ST6GAL2: variants seen among roughly 807,000 people sequenced by gnomAD.
ST6GAL2 encodes beta-galactoside alpha-2,6-sialyltransferase 2.
In ST6GAL2, 24 loss-of-function variants were observed where a neutral mutation model predicts 37.5. The observed-to-expected ratio is 0.64, with a 90% CI of 0.46 to 0.90. The LOEUF is 0.90. Ranked by LOEUF, ST6GAL2 falls within the 40% of genes least tolerant of loss-of-function variation. The pLI, the probability that ST6GAL2 is intolerant of heterozygous loss-of-function variation, is 0.00. For missense variants in ST6GAL2, 715 were observed against 712.7 expected, an observed-to-expected ratio of 1.00 and a Z score of -0.04; for synonymous variants, 306 against 295.1, an observed-to-expected ratio of 1.04 and a Z score of -0.38.
At chr2:106,875,726 C>A (rs1038202046) in intron 1 of ST6GAL2, among the ~76,000 whole-genome samples, 5 of 152,170 alleles carry the variant, frequency 3.3e-5, no homozygotes, top group Admixed American at 2.6e-4. Context: ...TCCTGATGAG[C>A]TAGTTCTTTA....
At chr2:106,867,800 C>T (rs1052297104) in intron 1 of ST6GAL2, among the ~76,000 whole-genome samples, 1 of 152,118 alleles carries the variant, frequency 6.6e-6, no homozygotes, top group Non-Finnish European at 1.5e-5. Context: ...GGATTAGAAG[C>T]AGCAGATTAA....
At chr2:106,882,850 G>A (rs1318478498) in intron 1 of ST6GAL2, among the ~76,000 whole-genome samples, 1 of 152,206 alleles carries the variant, frequency 6.6e-6, no homozygotes, top group Non-Finnish European at 1.5e-5. Flanking sequence ...GAGGGCAGCA[G>A]AAGCCAGGAT....
In ST6GAL2 at chr2:106,830,062, C is replaced by T; in HGVS notation, c.1318+4G>A. On this transcript the variant is annotated splice_donor_region_variant and intron_variant, in intron 5 of 5. Coordinates refer to ENST00000409382, the MANE Select transcript of ST6GAL2 (RefSeq NM_001142351.2). ...ATCATTCCAATTTTTAACATAACACCTACCAATGAAACCAGAAGATGGTGG... is the reference window on the plus strand; with the variant it reads ...ATCATTCCAATTTTTAACATAACACTTACCAATGAAACCAGAAGATGGTGG... 1 of 1,613,572 alleles carries T rather than the reference C, an allele frequency of 6.2e-7. No individual in the cohort carries two copies. Among genetic ancestry groups the T allele is most frequent in the Non-Finnish European group, 8.5e-7 (1 of 1,179,734 alleles).
In ST6GAL2 at chr2:106,843,859, G is replaced by C. The variant is rs769811552; in HGVS notation, c.119C>G (p.Pro40Arg). The change falls in exon 2 of 6, where the codon CCC (proline) becomes CGC (arginine). Residue 40 changes from proline (P) to arginine (R), a missense_variant. Pro to Arg is a moderately radical substitution (Grantham distance 103). Around this residue, in one of 3 missense-constraint regions of ST6GAL2, gnomAD observed 512 missense variants for 488.8 expected, o/e 1.05. Coordinates refer to ENST00000409382, the MANE Select transcript of ST6GAL2 (RefSeq NM_001142351.2). Reference sequence around the variant, plus strand: ...GGTCTCCAGGAAGGAGAGGGAGCTGGGTACAGGCTCAGCGGGGTTGCTGTC... The same window carrying C: ...GGTCTCCAGGAAGGAGAGGGAGCTGCGTACAGGCTCAGCGGGGTTGCTGTC... The part of the protein sequence containing the change: ...FTDSNPAEPV[P>R]SSLSFLETRR... 1 of 1,611,680 alleles carries C rather than the reference G, an allele frequency of 6.2e-7. No homozygotes were observed. Among genetic ancestry groups the C allele is most frequent in the African/African-American group, 1.3e-5 (1 of 74,936 alleles).
chr2:106,831,679 T>C (rs1039193456), intron 4 of ST6GAL2, among the ~76,000 whole-genome samples: 2 of 152,186 alleles, frequency 1.3e-5, no homozygotes, highest in African/African-American at 4.8e-5. Context: ...TAAGTAATCA[T>C]ATGAGGTAAA....
chr2:106,884,575 A>C (rs1435123275), intron 1 of ST6GAL2, among the ~76,000 whole-genome samples: 2 of 152,130 alleles, frequency 1.3e-5, no homozygotes, highest in East Asian at 3.9e-4. Flanking sequence ...TCAAAACTCC[A>C]GAAGCTTTCA....
At chr2:106,852,501 C>G (rs926773637) in intron 1 of ST6GAL2, among the ~76,000 whole-genome samples, 3 of 152,190 alleles carry the variant, frequency 2.0e-5, no homozygotes, top group Non-Finnish European at 2.9e-5. Context: ...CTGTAAGGTT[C>G]CCGAAGGTGG....
At chr2:106,857,332 G>A (rs891549067) in intron 1 of ST6GAL2, among the ~76,000 whole-genome samples, 3 of 152,116 alleles carry the variant, frequency 2.0e-5, no homozygotes, top group Admixed American at 1.3e-4. Context: ...GCCAGGCACC[G>A]TGGCTCATGC....
At position 106,815,174 on chromosome 2, in the gene ST6GAL2, G is replaced by A. The variant is rs1675755095; in HGVS notation, c.1319-8225C>T. Among the ~76,000 whole-genome samples the A allele has an allele frequency of 5.3e-5, 8 of 152,086 alleles. No individual in the cohort carries two copies. In the South Asian group the frequency reaches 1.7e-3, roughly 32 times the overall value. ...TTCTGTGAACCCAGAGGACAAATAT[G>A]GAGTCTAATTAGAAACTCAACTACA... On this transcript the variant is annotated intron_variant, in intron 5 of 5. Transcript: ENST00000409382.
chr2:106,855,269 T>G (rs1053118931), intron 1 of ST6GAL2, among the ~76,000 whole-genome samples: 2 of 152,210 alleles, frequency 1.3e-5, no homozygotes, highest in African/African-American at 4.8e-5. Context: ...AAAGGGTGCT[T>G]AGGGGCACCC....
At chr2:106,852,898 C>G (rs1161012092) in intron 1 of ST6GAL2, among the ~76,000 whole-genome samples, 1 of 152,210 alleles carries the variant, frequency 6.6e-6, no homozygotes, top group Non-Finnish European at 1.5e-5. Flanking sequence ...TCTAGCACCT[C>G]ACTCACATTG....
chr2:106,885,843 A>G (rs148441785), intron 1 of ST6GAL2: 2 of 152,372 alleles, frequency 1.3e-5, no homozygotes, highest in Non-Finnish European at 2.9e-5. Context: ...TTCCAGAGCC[A>G]AAAGAGCCAA....
At chr2:106,853,027 T>A (rs1677433974) in intron 1 of ST6GAL2, among the ~76,000 whole-genome samples, 1 of 152,192 alleles carries the variant, frequency 6.6e-6, no homozygotes, top group African/African-American at 2.4e-5. Context: ...CCAAAGCCCC[T>A]GTCTTTTTTT....
At chr2:106,852,217 G>A (rs1677395151) in intron 1 of ST6GAL2, among the ~76,000 whole-genome samples, 1 of 152,218 alleles carries the variant, frequency 6.6e-6, no homozygotes, top group African/African-American at 2.4e-5. Flanking sequence ...GTGGTAGCGG[G>A]AGGACATCCC....
At chr2:106,852,990 C>T (rs1361275987) in intron 1 of ST6GAL2, among the ~76,000 whole-genome samples, 1 of 152,162 alleles carries the variant, frequency 6.6e-6, no homozygotes, top group African/African-American at 2.4e-5. Context: ...ATGAAAGCTC[C>T]GAGTGGTTCC....
chr2:106,860,703 T>C (rs1158150431), intron 1 of ST6GAL2, among the ~76,000 whole-genome samples: 2 of 152,236 alleles, frequency 1.3e-5, no homozygotes, highest in Non-Finnish European at 2.9e-5. Context: ...CTAACAACTT[T>C]TGAAATATAA....
At chr2:106,875,280 A>C (rs191480460) in intron 1 of ST6GAL2, among the ~76,000 whole-genome samples, 1 of 151,648 alleles carries the variant, frequency 6.6e-6, no homozygotes, top group East Asian at 1.9e-4. Flanking sequence ...GGATCAAGCA[A>C]TGCCCCCAAC....
chr2:106,850,103 A>G (rs1174476205), intron 1 of ST6GAL2, among the ~76,000 whole-genome samples: 1 of 152,158 alleles, frequency 6.6e-6, no homozygotes, highest in African/African-American at 2.4e-5. Context: ...CTCTGCATCA[A>G]CACAGACATA....
chr2:106,852,630 G>A lies in ST6GAL2; in HGVS notation c.-57-8596C>T, dbSNP rs895226537. Among the ~76,000 whole-genome samples, 3 of 152,308 alleles carry A rather than the reference G, an allele frequency of 2.0e-5. No homozygotes were observed. The East Asian group carries it at 5.8e-4, about 29-fold the overall frequency. Reference sequence around the variant, plus strand: ...CTGAAATTAAGAAAATAAGTGGGGGGAATGTACTGCAATGGCATTGCCTGA... The same window carrying A: ...CTGAAATTAAGAAAATAAGTGGGGGAAATGTACTGCAATGGCATTGCCTGA... On this transcript the variant is annotated intron_variant, in intron 1 of 5. Transcript: ENST00000409382.
Sources: gnomAD v4.1 joint callset for allele counts (sites outside exome capture counted in the v4.1 genomes callset) on GRCh38, gnomAD v4.1.1 for gene constraint, gnomAD v4.1.1 regional missense constraint, MANE v1.5 for transcripts, NCBI Gene and HGNC (gene_info 2026-07-23, HGNC 2026-07-21) for gene names.